RBM39: variants seen among roughly 807,000 people sequenced by gnomAD.
RBM39 encodes the protein RNA binding motif protein 39, also known as RNA-binding protein 39.
Under a neutral mutation model 79.6 loss-of-function variants are expected in RBM39, and 12 were observed. That is an observed-to-expected ratio of 0.15 (90% confidence interval 0.10 to 0.24). RBM39 has a LOEUF of 0.24. Ranked by LOEUF, RBM39 falls within the 10% of genes least tolerant of loss-of-function variation. The probability of loss-of-function intolerance (pLI) is 1.00; values close to 1 mark genes in which losing one functional copy is unlikely to be tolerated. For missense variants in RBM39, 243 were observed against 653.4 expected, an observed-to-expected ratio of 0.37 and a Z score of 6.85; for synonymous variants, 185 against 208.4, an observed-to-expected ratio of 0.89 and a Z score of 0.97.
chr20:35,721,182 C>T (rs1195754383), intron 9 of RBM39, among the ~76,000 whole-genome samples: 1 of 152,164 alleles, frequency 6.6e-6, no homozygotes, highest in Non-Finnish European at 1.5e-5. Flanking sequence ...CTGCCCACCT[C>T]GGCCTCCCTC....
Position 35,729,318 on chromosome 20 carries a change from G to A in RBM39, c.410C>T (p.Pro137Leu). The stretch of plus-strand genomic sequence containing the variant: ...CTTTAAAGAAGTAAACTACCTCACA[G>A]GGCTCTTGTCTTTTCTGAATGGACT... The part of the protein sequence containing the change: ...SKSPFRKDKS[P>L]VREPIDNLTP... Residue 137 changes from proline to leucine, a missense_variant, in exon 6 of 17, where the codon CCT (proline) becomes CTT (leucine). Physicochemically the swap from Pro to Leu is moderately conservative, Grantham distance 98. Coordinates refer to ENST00000253363, the MANE Select transcript of RBM39 (RefSeq NM_184234.3). 1 of 1,595,564 alleles carries A rather than the reference G, an allele frequency of 6.3e-7. No individual in the cohort carries two copies. Among genetic ancestry groups the A allele is most frequent in the Non-Finnish European group, 8.5e-7 (1 of 1,175,616 alleles).
chr20:35,718,267 A>AAAAAC (rs1209701991), intron 9 of RBM39, among the ~76,000 whole-genome samples: 7 of 147,352 alleles, frequency 4.8e-5, no homozygotes, highest in Non-Finnish European at 8.9e-5. Context: ...GAAGGATATA[A>AAAAAC]AAAACAAAAC....
At chr20:35,736,255 G>T (rs2039893980) in intron 3 of RBM39, among the ~76,000 whole-genome samples, 1 of 152,086 alleles carries the variant, frequency 6.6e-6, no homozygotes, top group Non-Finnish European at 1.5e-5. Context: ...CCATACCTCT[G>T]GTTGGTTGCA....
At chr20:35,737,020 A>G (rs2039996368) in intron 3 of RBM39, among the ~76,000 whole-genome samples, 1 of 151,220 alleles carries the variant, frequency 6.6e-6, no homozygotes, top group African/African-American at 2.4e-5. Flanking sequence ...GCACTTTGGG[A>G]AGCCAAGGCG....
At chr20:35,719,981 C>G in intron 9 of RBM39, 1 of 273,896 alleles carries the variant, frequency 3.7e-6, no homozygotes, top group Non-Finnish European at 7.7e-6. Flanking sequence ...CAAGGTTTTA[C>G]CACGTTGGCC....
rs2036839534 is a variant in RBM39, at chr20:35,714,345, A to G, written c.936T>C (p.Asn312=). ...ECAKKALEQL[N]GFELAGRPMK... ...TTGGTCTTCCTGCTAGTTCAAATCC[A>G]TTAAGTTGTTCCAAAGCCTTTTTGG... The change falls in exon 11 of 17, where the codon AAT becomes AAC. Residue 312 remains asparagine (N), a synonymous_variant. Coordinates refer to ENST00000253363, the MANE Select transcript of RBM39 (RefSeq NM_184234.3). 2 of 1,614,038 alleles carry G rather than the reference A, an allele frequency of 1.2e-6. No individual in the cohort carries two copies. Among genetic ancestry groups the G allele is most frequent in the Admixed American group, 1.7e-5 (1 of 59,998 alleles).
At chr20:35,722,013 C>A in intron 8 of RBM39, 136 bp from the exon 9 acceptor site, 4 of 970,706 alleles carry the variant, frequency 4.1e-6, no homozygotes, top group Non-Finnish European at 6.0e-6. Flanking sequence ...TACTACATAT[C>A]AACTTAATAG....
intron 6 of RBM39, among the ~76,000 whole-genome samples, chr20:35,725,655 T>A (rs1246737085): frequency 2.1e-4 from 30 of 146,298 alleles, no homozygotes; most frequent in Non-Finnish European, 4.5e-5. Flanking sequence ...CAAACCCATT[T>A]TCTTTTTTTT....
At chr20:35,722,943 A>T (rs1487572491) in intron 8 of RBM39, among the ~76,000 whole-genome samples, 4 of 151,724 alleles carry the variant, frequency 2.6e-5, no homozygotes, top group Admixed American at 6.6e-5. Flanking sequence ...CAAGAGAAAA[A>T]AAAAAAAAAA....
chr20:35,706,745 AGGCCGGGCCCGGT>A (rs778940524), intron 14 of RBM39, among the ~76,000 whole-genome samples: 3 of 152,046 alleles, frequency 2.0e-5, no homozygotes, highest in Non-Finnish European at 4.4e-5. Context: ...CGGAAATACC[AGGCCGGGCCCGGT>A]GGCTCATGCC....
intron 9 of RBM39, among the ~76,000 whole-genome samples, chr20:35,718,061 G>C (rs1306887036): frequency 1.3e-5 from 2 of 151,786 alleles, no homozygotes; most frequent in Non-Finnish European, 2.9e-5. Context: ...GGGTTTCACC[G>C]AGTTTGCCAG....
At chr20:35,722,923 G>C (rs1388032943) in intron 8 of RBM39, among the ~76,000 whole-genome samples, 1 of 144,954 alleles carries the variant, frequency 6.9e-6, no homozygotes, top group East Asian at 2.0e-4. Context: ...GACAGAGCGA[G>C]ACTCCGTCTC....
chr20:35,735,561 G>A (rs912585490), intron 3 of RBM39, among the ~76,000 whole-genome samples: 6 of 152,152 alleles, frequency 3.9e-5, no homozygotes, highest in Admixed American at 6.6e-5. Context: ...AATGCAACAC[G>A]GCACTTTCCT....
chr20:35,740,673 C>T (rs2040405553), intron 2 of RBM39, 151 bp downstream of exon 2: 1 of 1,288,206 alleles, frequency 7.8e-7, no homozygotes, highest in African/African-American at 1.5e-5. Flanking sequence ...ACATCAATAG[C>T]ATATATTTAC....
rs2035364189 is a variant in RBM39, at chr20:35,703,172, G to A, written c.*1309C>T. The A allele has an allele frequency of 6.6e-6, 1 of 152,132 alleles. No homozygotes were observed. Among genetic ancestry groups the A allele is most frequent in the Non-Finnish European group, 1.5e-5 (1 of 68,036 alleles). The allele number at this position is 152,132 out of a possible 1,614,324, so 9.4% of individuals were successfully genotyped here. The stretch of plus-strand genomic sequence containing the variant: ...AGAGAATTGAGTATAAATGGTGACA[G>A]CTTGCTTCCCAACTAGTATGAAAGC... On this transcript the variant is annotated 3_prime_UTR_variant, in exon 17 of 17. Coordinates refer to ENST00000253363, the MANE Select transcript of RBM39 (RefSeq NM_184234.3).
chr20:35,731,314 TTAAA>T (rs2039342996), intron 4 of RBM39: 1 of 152,320 alleles, frequency 6.6e-6, no homozygotes. Flanking sequence ...GTTTCCAACT[TTAAA>T]TATCCACATC....
chr20:35,737,856 A>C (rs1214141747), intron 3 of RBM39, among the ~76,000 whole-genome samples: 15 of 133,928 alleles, frequency 1.1e-4, no homozygotes, highest in African/African-American at 2.7e-4. Context: ...GTCAAAAAAA[A>C]AAAAAAAAAA....
At position 35,724,739 on chromosome 20, in the gene RBM39, G is replaced by GGATGT. The variant is rs1569036826; in HGVS notation, c.535-18_535-17insACATC. The GGATGT allele has an allele frequency of 1.9e-6, 3 of 1,611,766 alleles. No homozygotes were observed. On this transcript the variant is annotated splice_polypyrimidine_tract_variant and intron_variant, in intron 7 of 16. Coordinates refer to ENST00000253363, the MANE Select transcript of RBM39 (RefSeq NM_184234.3). Reference sequence around the variant, plus strand: ...ATCTCGAACCTAGAAAGAAAACACAGTTGTTTGTGCAAACATCCATTGTAA... The same window carrying GGATGT: ...ATCTCGAACCTAGAAAGAAAACACAGGATGTTTGTTTGTGCAAACATCCATTGTAA...
At chr20:35,736,534 A>T (rs2425120) in intron 3 of RBM39, 75,363 of 468,634 alleles carry the variant, frequency 0.16, 6,897 homozygotes, top group African/African-American at 0.3. Flanking sequence ...GTAGTGAGAA[A>T]GACTGACATA....
Sources: allele counts gnomAD v4.1 joint callset (sites outside exome capture counted in the v4.1 genomes callset), GRCh38; gene constraint gnomAD v4.1.1; transcripts MANE v1.5; gene names NCBI Gene and HGNC (gene_info 2026-07-23, HGNC 2026-07-21).